TTC12: variants seen among roughly 807,000 people sequenced by gnomAD.
TTC12 encodes tetratricopeptide repeat protein 12.
Under a neutral mutation model 90.1 loss-of-function variants are expected in TTC12, and 70 were observed. The ratio of observed to expected loss-of-function variants is 0.78; its 90% confidence interval spans 0.64 to 0.95. The LOEUF (loss-of-function observed/expected upper bound fraction) is 0.95, where lower values mean the gene tolerates loss of function less well. Ranked by LOEUF, TTC12 falls within the 40% of genes least tolerant of loss-of-function variation. The pLI, the probability that TTC12 is intolerant of heterozygous loss-of-function variation, is 0.00. For missense variants in TTC12, 819 were observed against 846.1 expected, an observed-to-expected ratio of 0.97 and a Z score of 0.40; for synonymous variants, 296 against 311.5, an observed-to-expected ratio of 0.95 and a Z score of 0.53.
chr11:113,353,780 C>T (rs1269217131), intron 16 of TTC12, among the ~76,000 whole-genome samples: 4 of 151,928 alleles, frequency 2.6e-5, no homozygotes, highest in Non-Finnish European at 5.9e-5. Flanking sequence ...TTTAGGTATG[C>T]GGTCTTATTT....
intron 16 of TTC12, among the ~76,000 whole-genome samples, chr11:113,352,797 G>A (rs1326156196): frequency 6.6e-6 from 1 of 152,094 alleles, no homozygotes; most frequent in African/African-American, 2.4e-5. Flanking sequence ...TCTTTTTTAT[G>A]GCTCTGTGGT....
At position 113,324,712 on chromosome 11, in the gene TTC12, T is replaced by C. The variant is rs782697801; in HGVS notation, c.322+30T>C. 11 of 1,590,308 alleles carry C rather than the reference T, an allele frequency of 6.9e-6. No individual in the cohort carries two copies. In the South Asian group the frequency reaches 1.2e-4, roughly 18 times the overall value. On this transcript the variant is annotated intron_variant, in intron 5 of 21. Transcript: ENST00000529221. ...TTGTCAGTCCTTACTTTTCAATGGC[T>C]GGGATGATTTGTGCTAGAAAGAGCA...
intron 3 of TTC12, 98 bp downstream of exon 3, chr11:113,323,549 G>T (rs1258295718): frequency 1.6e-5 from 12 of 769,722 alleles, no homozygotes; most frequent in Non-Finnish European, 5.6e-6. Context: ...AGGCTGAAAT[G>T]GTCTTTTGTT....
downstream of TTC12, among the ~76,000 whole-genome samples, chr11:113,369,707 C>T (rs979143845): frequency 6.6e-6 from 1 of 152,106 alleles, no homozygotes; most frequent in African/African-American, 2.4e-5. Flanking sequence ...TTTCTCAGAG[C>T]CCCAGTTTCC....
intron 6 of TTC12, among the ~76,000 whole-genome samples, chr11:113,329,144 C>T (rs1472212195): frequency 6.6e-6 from 1 of 152,136 alleles, no homozygotes; most frequent in Non-Finnish European, 1.5e-5. Flanking sequence ...TTGGTATATA[C>T]CTAGGAGTAA....
Position 113,344,175 on chromosome 11 carries a change from G to T in TTC12, c.986-97G>T. ...TTCATTATTCTGCCTTCAAATGAGT[G>T]GGCACCAGTTGAGTTTCCCATTAGG... On this transcript the variant is annotated intron_variant, in intron 12 of 21. Coordinates refer to ENST00000529221, the MANE Select transcript of TTC12 (RefSeq NM_017868.4). The T allele has an allele frequency of 6.2e-6, 8 of 1,300,790 alleles. No homozygotes were observed. In the South Asian group the frequency reaches 9.8e-5, roughly 16 times the overall value. 80.6% of individuals were successfully genotyped at this position (1,300,790 alleles called of 1,614,324 possible). A position where few individuals can be genotyped will look rare whatever the true frequency, so the allele number is the denominator to read the frequency against.
intron 8 of TTC12, among the ~76,000 whole-genome samples, chr11:113,336,437 T>G (rs543530889): frequency 6.6e-6 from 1 of 152,220 alleles, no homozygotes; most frequent in Non-Finnish European, 1.5e-5. Flanking sequence ...TGGTGTTATA[T>G]CTAAGAAAAG....
At position 113,316,262 on chromosome 11, in the gene TTC12, A is replaced by G. The variant is rs1422372194; in HGVS notation, c.5A>G (p.Asp2Gly). Residue 2 changes from aspartate (D) to glycine (G), a missense_variant, in exon 2 of 22, where the codon GAT (aspartate) becomes GGT (glycine). By Grantham distance (94) the Asp-to-Gly change is moderately conservative. Coordinates refer to ENST00000529221, the MANE Select transcript of TTC12 (RefSeq NM_017868.4). ...CCTTAGGGATTCCGGTTCACAATGG[A>G]TGCTGATAAAGAGAAAGATTTGCAG... is the stretch of plus-strand genomic sequence containing the variant. Reference protein sequence around the residue: MDADKEKDLQKF... With the variant: MGADKEKDLQKF... The G allele has an allele frequency of 1.4e-6, 2 of 1,465,760 alleles. No individual in the cohort carries two copies. Among genetic ancestry groups the G allele is most frequent in the Admixed American group, 2.3e-5 (1 of 42,950 alleles). The allele number at this position is 1,465,760 out of a possible 1,614,324, so 90.8% of individuals were successfully genotyped here. A position where few individuals can be genotyped will look rare whatever the true frequency, so the allele number is the denominator to read the frequency against.
At chr11:113,343,342 A>G (rs1948782852) in intron 12 of TTC12, among the ~76,000 whole-genome samples, 1 of 152,258 alleles carries the variant, frequency 6.6e-6, no homozygotes, top group Non-Finnish European at 1.5e-5. Flanking sequence ...TATATAATCA[A>G]CAAGGACCTT....
chr11:113,330,406 A>C (rs1254929372), intron 7 of TTC12, among the ~76,000 whole-genome samples: 3 of 152,238 alleles, frequency 2.0e-5, no homozygotes, highest in Non-Finnish European at 4.4e-5. Context: ...TTGTAGAGGA[A>C]TAATCAGAAG....
chr11:113,351,264 C>A lies in TTC12; in HGVS notation c.1273C>A (p.Leu425Ile), dbSNP rs782272751. 2.7e-5 allele frequency: 44 copies of A among 1,614,022 alleles called. No homozygotes were observed. The highest frequency in any genetic ancestry group is 3.6e-5 in the Non-Finnish European group (43 of 1,179,992). Residue 425 changes from leucine to isoleucine, a missense_variant, in exon 15 of 22, where the codon CTT becomes ATT. Leu to Ile is a conservative substitution (Grantham distance 5). Coordinates refer to ENST00000529221, the MANE Select transcript of TTC12 (RefSeq NM_017868.4). The part of the protein sequence containing the change: ...ERFQVWFQAN[L>I]PGVLPALTGV... Reference sequence around the variant, plus strand: ...ATTCCAAGTCTGGTTCCAGGCCAACCTTCCAGGTGTTCTCCCTGCACTCAC... The same window carrying A: ...ATTCCAAGTCTGGTTCCAGGCCAACATTCCAGGTGTTCTCCCTGCACTCAC...
intron 2 of TTC12, among the ~76,000 whole-genome samples, chr11:113,320,957 C>T (rs782414299): frequency 1.3e-5 from 2 of 151,840 alleles, no homozygotes; most frequent in Non-Finnish European, 2.9e-5. Context: ...GCAGGAGGAT[C>T]GCTTGAGCCC....
downstream of TTC12, chr11:113,368,172 T>C (rs1339589618): frequency 5.8e-5 from 82 of 1,409,194 alleles, no homozygotes; most frequent in Non-Finnish European, 7.5e-5. Context: ...TACGTTATTA[T>C]GTTTATTGTT....
rs1948511192 is a variant in TTC12 at position 113,338,689 on chromosome 11, G to A, written c.577-85G>A. 3.0e-6 allele frequency: 3 copies of A among 1,006,380 alleles called. No individual in the cohort carries two copies. The Admixed American group carries it at 6.0e-5, about 20-fold the overall frequency. 62.3% of individuals were successfully genotyped at this position (1,006,380 alleles called of 1,614,324 possible). ...GAGGAGGTGAGGAGAAAATAATGAA[G>A]CAGCCAAGCCCAATGACACCCAGTG... On this transcript the variant is annotated intron_variant, in intron 8 of 21. Coordinates refer to ENST00000529221, the MANE Select transcript of TTC12 (RefSeq NM_017868.4).
intron 2 of TTC12, among the ~76,000 whole-genome samples, chr11:113,317,117 C>T (rs1946987865): frequency 6.6e-6 from 1 of 152,176 alleles, no homozygotes; most frequent in African/African-American, 2.4e-5. Context: ...TGGCCCACTG[C>T]CACCTTTCTC....
Position 113,359,520 on chromosome 11 carries a change from C to T in TTC12, c.1545+59C>T, listed in dbSNP as rs542515865. ...GGGACAACCTGTACACATTCTGTGG[C>T]ATAAAACCATTCTCATGTTCACGAA... On this transcript the variant is annotated intron_variant, in intron 17 of 21. Transcript: ENST00000529221. 62 of 1,130,240 alleles carry T rather than the reference C, an allele frequency of 5.5e-5. No individual in the cohort carries two copies. The African/African-American group carries it at 8.9e-4, about 16-fold the overall frequency. The allele number at this position is 1,130,240 out of a possible 1,614,324, so 70.0% of individuals were successfully genotyped here. A position where few individuals can be genotyped will look rare whatever the true frequency, so the allele number is the denominator to read the frequency against.
chr11:113,315,456 G>A (rs1251344528), intron 1 of TTC12, among the ~76,000 whole-genome samples: 2 of 152,126 alleles, frequency 1.3e-5, no homozygotes, highest in African/African-American at 4.8e-5. Flanking sequence ...TATGAAACCT[G>A]GCCATAAATG....
intron 1 of TTC12, among the ~76,000 whole-genome samples, chr11:113,315,578 C>T (rs1432610507): frequency 6.6e-6 from 1 of 152,162 alleles, no homozygotes; most frequent in Non-Finnish European, 1.5e-5. Context: ...TAACAATCTT[C>T]CCGATGATTT....
In TTC12 at chr11:113,325,780, G is replaced by A. The variant is rs1030097850; in HGVS notation, c.444+135G>A. 7.8e-6 allele frequency: 9 copies of A among 1,161,290 alleles called. No individual in the cohort carries two copies. In the African/African-American group the frequency reaches 1.2e-4, roughly 16 times the overall value. The allele number at this position is 1,161,290 out of a possible 1,614,324, so 71.9% of individuals were successfully genotyped here. A position where few individuals can be genotyped will look rare whatever the true frequency, so the allele number is the denominator to read the frequency against. On this transcript the variant is annotated intron_variant, in intron 6 of 21. Transcript: ENST00000529221. ...CTGGCTCTTGTTTTAAGTGTGGGAGGAGCTGACTTATACACAGCATTTACC... is the reference window on the plus strand; with the variant it reads ...CTGGCTCTTGTTTTAAGTGTGGGAGAAGCTGACTTATACACAGCATTTACC...
Sources: gnomAD v4.1 joint callset for allele counts (sites outside exome capture counted in the v4.1 genomes callset) on GRCh38, gnomAD v4.1.1 for gene constraint, MANE v1.5 for transcripts, NCBI Gene and HGNC (gene_info 2026-07-23, HGNC 2026-07-21) for gene names.